The following ETV4 variants were observed in gnomAD, a reference collection of about 807,000 sequenced individuals.
ETV4 encodes the protein ETS translocation variant 4.
In ETV4, 42 loss-of-function variants were observed where a neutral mutation model predicts 65.9. The ratio of observed to expected loss-of-function variants is 0.64; its 90% CI spans 0.50 to 0.82. The LOEUF (loss-of-function observed/expected upper bound fraction) is 0.82. Among genes scored for constraint, ETV4 ranks in the 40% least tolerant of loss-of-function variants. The probability of loss-of-function intolerance (pLI) is 0.00; values close to 1 mark genes in which losing one functional copy is unlikely to be tolerated. For synonymous variants in ETV4, 238 were observed against 260.0 expected (o/e 0.92, Z 0.81); for missense variants, 583 against 630.3 (o/e 0.92, Z 0.80).
chr17:43,530,455 T>A, intron 8 of ETV4: 1 of 1,348,154 alleles, frequency 7.4e-7, no homozygotes, highest in Non-Finnish European at 9.5e-7. Context: ...GGGCCCAAGC[T>A]GCCAGGGAGC....
intron 1 of ETV4, 163 bp downstream of exon 1, chr17:43,546,022 G>T: frequency 8.3e-6 from 2 of 240,078 alleles, no homozygotes; most frequent in South Asian, 5.6e-5. Flanking sequence ...GCACACCATC[G>T]CATGCCCACA....
chr17:43,543,995 G>A (rs1374554903), intron 4 of ETV4: 1 of 152,164 alleles, frequency 6.6e-6, no homozygotes, highest in Non-Finnish European at 1.5e-5. Flanking sequence ...CCAGGGTGGA[G>A]GGATGAGGAG....
At position 43,532,741 on chromosome 17, in the gene ETV4, A is replaced by G. The variant is rs759438318; in HGVS notation, c.744T>C (p.Asn248=). ...GQPAVDQGGV[N]GHRYPGAGVV... Reference sequence around the variant, plus strand: ...CCCCCGCCCCTGGGTACCTGTGCCCATTGACCCCACCCTGGTCCACGGCTG... The same window carrying G: ...CCCCCGCCCCTGGGTACCTGTGCCCGTTGACCCCACCCTGGTCCACGGCTG... The change falls in exon 8 of 13, where the codon AAT becomes AAC. Residue 248 remains asparagine, a synonymous_variant. Coordinates refer to ENST00000319349, the MANE Select transcript of ETV4 (RefSeq NM_001079675.5). 1.2e-6 allele frequency: 2 copies of G among 1,613,908 alleles called. No individual in the cohort carries two copies. The highest frequency in any genetic ancestry group is 2.2e-5 in the South Asian group (2 of 91,062).
Position 43,532,958 on chromosome 17 carries a change from A to G in ETV4, c.546-19T>C. The G allele has an allele frequency of 6.5e-7, 1 of 1,539,244 alleles. No homozygotes were observed. The highest frequency in any genetic ancestry group is 1.3e-5 in the South Asian group (1 of 78,532). ...GACGGAGCTGGATGTGGTTGGATGG[A>G]GAAGGAAGAGAAGAGAACTTTAAAT... is the stretch of plus-strand genomic sequence containing the variant. On this transcript the variant is annotated intron_variant, in intron 7 of 12. Coordinates refer to ENST00000319349, the MANE Select transcript of ETV4 (RefSeq NM_001079675.5).
At chr17:43,542,584 G>A (rs1363918795) in intron 4 of ETV4, among the ~76,000 whole-genome samples, 1 of 151,836 alleles carries the variant, frequency 6.6e-6, no homozygotes, top group Non-Finnish European at 1.5e-5. Flanking sequence ...AATCAGACAC[G>A]CCCTCCTAGC....
chr17:43,528,569 G>A lies in ETV4; in HGVS notation c.1405C>T (p.Leu469=), dbSNP rs375332940. ...LDESPAYLPE[L]AGPAQPFGPK... is the part of the protein sequence containing the mutation. ...CCAAATGGCTGGGCGGGGCCAGCCAGCTCTGGGAGGTAGGCGGGGCTCTCA... is the reference window on the plus strand; with the variant it reads ...CCAAATGGCTGGGCGGGGCCAGCCAACTCTGGGAGGTAGGCGGGGCTCTCA... The change falls in exon 13 of 13, where the codon CTG becomes TTG. Residue 469 remains leucine, a synonymous_variant. Transcript: ENST00000319349. 1.3e-5 allele frequency: 21 copies of A among 1,613,782 alleles called. No homozygotes were observed. Among genetic ancestry groups the A allele is most frequent in the Non-Finnish European group, 1.6e-5 (19 of 1,179,924 alleles).
chr17:43,532,888 T>G lies in ETV4; in HGVS notation c.597A>C (p.Gly199=). Residue 199 remains glycine, a synonymous_variant, in exon 8 of 13, where the codon GGA becomes GGC. Transcript: ENST00000319349. ...LDICHSFTSQ[G]GGREPLPAPY... ...GGGCTGGGAGGGGTTCCCGGCCCCC[T>G]CCCTGAGATGTGAAGGAGTGGCAAA... is the stretch of plus-strand genomic sequence containing the variant. 1 of 1,601,086 alleles carries G rather than the reference T, an allele frequency of 6.2e-7. No homozygotes were observed. The highest frequency in any genetic ancestry group is 8.5e-7 in the Non-Finnish European group (1 of 1,172,748).
intron 6 of ETV4, 31 bp from the exon 7 acceptor site, chr17:43,533,379 G>T: frequency 6.3e-7 from 1 of 1,593,088 alleles, no homozygotes; most frequent in Non-Finnish European, 8.6e-7. Flanking sequence ...GGGGTGAGGG[G>T]GCAGAGAAGC....
intron 4 of ETV4, among the ~76,000 whole-genome samples, chr17:43,541,008 C>T (rs1449680188): frequency 1.3e-5 from 2 of 152,114 alleles, no homozygotes; most frequent in Non-Finnish European, 2.9e-5. Flanking sequence ...AGAGAACCCT[C>T]AGCATCATCT....
In ETV4 at chr17:43,545,425, G is replaced by T. The variant is rs986259314; in HGVS notation, c.61-58C>A. 3 of 1,476,728 alleles carry T rather than the reference G, an allele frequency of 2.0e-6. No homozygotes were observed. In the East Asian group the frequency reaches 7.4e-5, roughly 36 times the overall value. 91.5% of individuals were successfully genotyped at this position (1,476,728 alleles called of 1,614,324 possible). ...CCCTGAGGCGCTTAGTCTGGGGGAC[G>T]AGGTTGGGGTCCTCGGGTGACTCAG... On this transcript the variant is annotated intron_variant, in intron 2 of 12. Transcript: ENST00000319349.
chr17:43,536,602 G>GC, intron 4 of ETV4, 123 bp from the exon 5 acceptor site: 1 of 749,378 alleles, frequency 1.3e-6, no homozygotes, highest in Non-Finnish European at 2.3e-6. Context: ...TAGATCAGGG[G>GC]TGTCCACATT....
intron 4 of ETV4, among the ~76,000 whole-genome samples, chr17:43,541,793 C>T (rs556315127): frequency 1.3e-5 from 2 of 152,232 alleles, no homozygotes; most frequent in East Asian, 3.9e-4. Flanking sequence ...GGAACCAGTT[C>T]ACTAGTTGTG....
chr17:43,535,840 A>G (rs375779711), intron 5 of ETV4, among the ~76,000 whole-genome samples: 2 of 152,172 alleles, frequency 1.3e-5, no homozygotes, highest in East Asian at 3.9e-4. Flanking sequence ...GGGCGGGCGC[A>G]CTGGGCTCAC....
intron 9 of ETV4, 49 bp downstream of exon 9, chr17:43,530,058 T>C: frequency 6.2e-7 from 1 of 1,609,564 alleles, no homozygotes; most frequent in Non-Finnish European, 8.5e-7. Flanking sequence ...ATGGCAGCGC[T>C]CCCTCCCCCA....
In ETV4 at chr17:43,529,649, G is replaced by T. The variant is rs762542952; in HGVS notation, c.983C>A (p.Ala328Glu). The T allele has an allele frequency of 6.2e-7, 1 of 1,613,454 alleles. No individual in the cohort carries two copies. Among genetic ancestry groups the T allele is most frequent in the South Asian group, 1.1e-5 (1 of 91,030 alleles). Residue 328 changes from alanine (A) to glutamate (E), a missense_variant, in exon 11 of 13, where the codon GCA becomes GAA. Ala to Glu is a moderately radical substitution (Grantham distance 107). Coordinates refer to ENST00000319349, the MANE Select transcript of ETV4 (RefSeq NM_001079675.5). The part of the protein sequence containing the change: ...EGDIKQEGVG[A>E]FREGPPYQRR... ...CTGGTAGGGCGGCCCCTCTCGAAAT[G>T]CACCGACCCCTTCCTGCTTGATGTC...
intron 1 of ETV4, chr17:43,545,981 ACG>A (rs1377898776): frequency 7.4e-3 from 738 of 100,102 alleles, no homozygotes; most frequent in South Asian, 0.022. Context: ...GTGTGTGTGT[ACG>A]CGCGCGCGCG....
Position 43,536,480 on chromosome 17 carries a change from CTGCA to C in ETV4, c.203-5_203-2del. 1 of 1,614,202 alleles carries C rather than the reference CTGCA, an allele frequency of 6.2e-7. No individual in the cohort carries two copies. Among genetic ancestry groups the C allele is most frequent in the Non-Finnish European group, 8.5e-7 (1 of 1,180,010 alleles). On this transcript the variant is annotated splice_acceptor_variant and splice_polypyrimidine_tract_variant and intron_variant, in intron 4 of 12. Transcript: ENST00000319349. LOFTEE classifies it high-confidence loss of function. The stretch of plus-strand genomic sequence containing the variant: ...TGCTCATCACTGTCTGGTACCTGAG[CTGCA>C]GAGAGAAGTCAGAGGTGAGTTTGGG...
chr17:43,530,635 T>TGAGA (rs1555557340), intron 8 of ETV4, among the ~76,000 whole-genome samples: 5 of 149,720 alleles, frequency 3.3e-5, no homozygotes, highest in East Asian at 2.0e-4. Flanking sequence ...TGTGTGTGTG[T>TGAGA]GACAGAAACA....
Position 43,529,205 on chromosome 17 carries a change from C to G in ETV4, c.1160G>C (p.Arg387Pro), listed in dbSNP as rs1037906203. 1.2e-6 allele frequency: 2 copies of G among 1,613,946 alleles called. No individual in the cohort carries two copies. Among genetic ancestry groups the G allele is most frequent in the Non-Finnish European group, 1.7e-6 (2 of 1,180,012 alleles). Residue 387 changes from arginine to proline, a missense_variant, in exon 12 of 13, where the codon CGG becomes CCG. Physicochemically the swap from Arg to Pro is moderately radical, Grantham distance 103. Transcript: ENST00000319349. ...CAGCTTGTCGTAATTCATGGCTGGC[C>G]GGTTCTTCTGGATGCCCCAGAGCCT... ...VARLWGIQKN[R>P]PAMNYDKLSR...
Sources: gnomAD v4.1 joint callset for allele counts (sites outside exome capture counted in the v4.1 genomes callset) on GRCh38, gnomAD v4.1.1 for gene constraint, MANE v1.5 for transcripts, NCBI Gene and HGNC (gene_info 2026-07-23, HGNC 2026-07-21) for gene names.